CPE: variants seen among roughly 807,000 people sequenced by gnomAD.
The protein encoded by CPE is carboxypeptidase E.
Under a neutral mutation model 53.5 loss-of-function variants are expected in CPE, and 17 were observed. The observed-to-expected ratio is 0.32, with a 90% CI of 0.22 to 0.48. CPE has a LOEUF of 0.48. Ranked by LOEUF, CPE falls within the 20% of genes least tolerant of loss-of-function variation. The probability of loss-of-function intolerance (pLI) is 0.99; values close to 1 mark genes in which losing one functional copy is unlikely to be tolerated. For missense variants in CPE, 524 were observed against 614.7 expected (o/e 0.85, Z 1.56); for synonymous variants, 226 against 228.8 (o/e 0.99, Z 0.11).
At chr4:165,426,514 T>A (rs763492985) in intron 1 of CPE, among the ~76,000 whole-genome samples, 6 of 152,102 alleles carry the variant, frequency 3.9e-5, no homozygotes, top group Non-Finnish European at 8.8e-5. Flanking sequence ...GTGATTCATA[T>A]GCACATTAAA....
intron 1 of CPE, among the ~76,000 whole-genome samples, chr4:165,439,436 C>T (rs376657865): frequency 4.0e-4 from 61 of 152,154 alleles, no homozygotes; most frequent in African/African-American, 1.4e-3. Flanking sequence ...TATAAGTCAA[C>T]AGAAATTCAT....
chr4:165,450,999 T>A (rs1315794819), intron 1 of CPE, among the ~76,000 whole-genome samples: 1 of 152,120 alleles, frequency 6.6e-6, no homozygotes, highest in Non-Finnish European at 1.5e-5. Flanking sequence ...ACTCAAAGAG[T>A]GGTTCTTAGG....
chr4:165,406,220 A>G (rs1157071012), intron 1 of CPE: 5 of 663,496 alleles, frequency 7.5e-6, no homozygotes, highest in Non-Finnish European at 1.4e-5. Context: ...CTTTGACTCC[A>G]TAGTTAATAT....
At chr4:165,382,951 C>T in intron 1 of CPE, among the ~76,000 whole-genome samples, 1 of 152,184 alleles carries the variant, frequency 6.6e-6, no homozygotes, top group Non-Finnish European at 1.5e-5. Context: ...GATTGTTGAC[C>T]AGCTGAATGT....
At chr4:165,485,016 C>T (rs1704704979) in intron 5 of CPE, among the ~76,000 whole-genome samples, 1 of 152,012 alleles carries the variant, frequency 6.6e-6, no homozygotes, top group Non-Finnish European at 1.5e-5. Context: ...ACCTGGTGCA[C>T]AGTACTTTTG....
chr4:165,482,629 C>T (rs566742146), intron 4 of CPE, among the ~76,000 whole-genome samples: 24 of 152,218 alleles, frequency 1.6e-4, no homozygotes, highest in East Asian at 5.8e-4. Context: ...AGAAAACACA[C>T]GTCATAAACT....
At position 165,464,379 on chromosome 4, in the gene CPE, T is replaced by TA. The variant is rs1379371973; in HGVS notation, c.308-9dup. On this transcript the variant is annotated splice_polypyrimidine_tract_variant and intron_variant, in intron 1 of 8. Transcript: ENST00000402744. Reference sequence around the variant, plus strand: ...TAGAAAACATCTCCATGCTATCTATTAATCTTTTAGGTGAGCCTGAATTTA... The same window carrying TA: ...TAGAAAACATCTCCATGCTATCTATTAAATCTTTTAGGTGAGCCTGAATTTA... 4 of 1,589,066 alleles carry TA rather than the reference T, an allele frequency of 2.5e-6. 1 individual carries two copies. In the Admixed American group the frequency reaches 6.9e-5, roughly 28 times the overall value.
intron 1 of CPE, among the ~76,000 whole-genome samples, chr4:165,403,894 C>G (rs1323948871): frequency 6.6e-6 from 1 of 152,064 alleles, no homozygotes; most frequent in East Asian, 1.9e-4. Context: ...CAGATTTCAC[C>G]AGGAGGGGGA....
In CPE at chr4:165,379,319, C is replaced by A; in HGVS notation, c.98C>A (p.Pro33His). 6.4e-7 allele frequency: 1 copy of A among 1,561,794 alleles called. No homozygotes were observed. Among genetic ancestry groups the A allele is most frequent in the South Asian group, 1.2e-5 (1 of 86,162 alleles). ...LGAEAQEPGA[P>H]AAGMRRRRRL... ...GCCGAAGCCCAGGAGCCCGGGGCGC[C>A]CGCGGCGGGCATGAGGCGGCGCCGG... The change falls in exon 1 of 9, where the codon CCC becomes CAC. Residue 33 changes from proline to histidine, a missense_variant. Coordinates refer to ENST00000402744, the MANE Select transcript of CPE (RefSeq NM_001873.4). The surrounding 1 kb of genome is among the most constrained non-coding windows in gnomAD (Gnocchi z 6.0).
chr4:165,396,395 C>T (rs772081810), intron 1 of CPE, among the ~76,000 whole-genome samples: 23 of 152,294 alleles, frequency 1.5e-4, no homozygotes, highest in Non-Finnish European at 3.1e-4. Context: ...TGGTGGCTCA[C>T]ACCTGTAATC....
At chr4:165,463,821 T>A (rs1324507685) in intron 1 of CPE, among the ~76,000 whole-genome samples, 1 of 152,258 alleles carries the variant, frequency 6.6e-6, no homozygotes, top group Non-Finnish European at 1.5e-5. Flanking sequence ...TTATTGTGGG[T>A]GAGATGGTAT....
At position 165,379,050 on chromosome 4, in the gene CPE, G is replaced by A. The variant is rs1439917806; in HGVS notation, c.-172G>A. On this transcript the variant is annotated 5_prime_UTR_variant, in exon 1 of 9. Transcript: ENST00000402744. This position sits in a 1 kb window ranked among gnomAD's most constrained non-coding sequence, Gnocchi z 6.0. The stretch of plus-strand genomic sequence containing the variant: ...AGCCGCGGCTTTGCCCGTCTCCTCT[G>A]GGTGGCCCCAGTGCGCGGGCTGACA... 3 of 506,762 alleles carry A rather than the reference G, an allele frequency of 5.9e-6. No homozygotes were observed. In the East Asian group the frequency reaches 1.3e-4, roughly 21 times the overall value. The allele number at this position is 506,762 out of a possible 1,614,324, so 31.4% of individuals were successfully genotyped here. A position where few individuals can be genotyped will look rare whatever the true frequency, so the allele number is the denominator to read the frequency against.
At chr4:165,492,140 GATGACTACAACTTA>G (rs1732616920) in intron 6 of CPE, among the ~76,000 whole-genome samples, 1 of 152,186 alleles carries the variant, frequency 6.6e-6, no homozygotes, top group African/African-American at 2.4e-5. Flanking sequence ...ATAGCCAGTT[GATGACTACAACTTA>G]ATTTAGGGGG....
At chr4:165,476,664 A>G (rs1336702249) in intron 3 of CPE, among the ~76,000 whole-genome samples, 1 of 151,372 alleles carries the variant, frequency 6.6e-6, no homozygotes, top group African/African-American at 2.4e-5. Flanking sequence ...CCCGCCCATC[A>G]CCTAATGTTT....
intron 1 of CPE, among the ~76,000 whole-genome samples, chr4:165,433,488 C>T (rs934530477): frequency 6.6e-6 from 1 of 152,118 alleles, no homozygotes; most frequent in South Asian, 2.1e-4. Flanking sequence ...TCCTTATTAT[C>T]CTCTCAGCCC....
chr4:165,448,129 G>A (rs6836074), intron 1 of CPE, among the ~76,000 whole-genome samples: 28,061 of 152,046 alleles, frequency 0.18, 2,823 homozygotes, highest in African/African-American at 0.28. Context: ...AAAAGGAATT[G>A]TTACCCACTA....
intron 3 of CPE, among the ~76,000 whole-genome samples, chr4:165,479,485 T>G (rs1163046908): frequency 2.0e-5 from 3 of 152,214 alleles, no homozygotes; most frequent in African/African-American, 7.2e-5. Context: ...ATTTCTTGTA[T>G]AGACACTAGC....
rs1267517278 is a variant in CPE at position 165,453,332 on chromosome 4, TTTCC to T, written c.308-11039_308-11036del. On this transcript the variant is annotated intron_variant, in intron 1 of 8. Coordinates refer to ENST00000402744, the MANE Select transcript of CPE (RefSeq NM_001873.4). ...TTTTCCTTCCTTCCTTCCTTCCTTC[TTTCC>T]TTCCTTCCTTCCTTCCTTTCTCTCT... is the stretch of plus-strand genomic sequence containing the variant. 5.3e-4 allele frequency among the ~76,000 whole-genome samples: 79 copies of T among 149,562 alleles called. 1 individual carries two copies. The highest frequency in any genetic ancestry group is 3.5e-3 in the Middle Eastern group (1 of 288).
chr4:165,442,395 G>A (rs978335978), intron 1 of CPE, among the ~76,000 whole-genome samples: 1 of 152,086 alleles, frequency 6.6e-6, no homozygotes, highest in Non-Finnish European at 1.5e-5. Context: ...TCGTGCTAGT[G>A]TATCCACAGT....
Sources: allele counts gnomAD v4.1 joint callset (sites outside exome capture counted in the v4.1 genomes callset), GRCh38; gene constraint gnomAD v4.1.1; non-coding constraint Gnocchi (gnomAD v3.1); transcripts MANE v1.5; gene names NCBI Gene and HGNC (gene_info 2026-07-23, HGNC 2026-07-21).